Variants in SPAG16 observed in about 807,000 individuals in gnomAD.
SPAG16 encodes sperm associated antigen 16.
Under a neutral mutation model 80.4 loss-of-function variants are expected in SPAG16, and 86 were observed. The observed-to-expected ratio is 1.07, with a 90% CI of 0.90 to 1.28. The LOEUF is 1.28. Among genes scored for constraint, SPAG16 ranks in the 50% most tolerant of loss-of-function variants. SPAG16 has a pLI of 0.00. For missense variants in SPAG16, 870 were observed against 765.3 expected, an observed-to-expected ratio of 1.14 and a Z score of -1.61; for synonymous variants, 294 against 265.9, an observed-to-expected ratio of 1.11 and a Z score of -1.03.
intron 4 of SPAG16, among the ~76,000 whole-genome samples, chr2:213,312,970 A>G (rs895866660): frequency 4.6e-5 from 7 of 151,814 alleles, no homozygotes; most frequent in African/African-American, 1.7e-4. Context: ...GGTGTTGTGT[A>G]TACATTAATG....
At chr2:214,378,261 A>G (rs1320915022) in intron 15 of SPAG16, among the ~76,000 whole-genome samples, 3 of 152,220 alleles carry the variant, frequency 2.0e-5, no homozygotes, top group African/African-American at 4.8e-5. Flanking sequence ...GGAAACTAAT[A>G]TATCAGGCAA....
At position 214,035,935 on chromosome 2, in the gene SPAG16, C is replaced by T. The variant is rs193047808; in HGVS notation, c.1527+21858C>T. The stretch of plus-strand genomic sequence containing the variant: ...CCTGGCATGCCTTCCCCACTGCAGC[C>T]GGTGTCATGCAGTGGCCGCTGTAGA... On this transcript the variant is annotated intron_variant, in intron 13 of 15. Transcript: ENST00000331683. Among the ~76,000 whole-genome samples the T allele has an allele frequency of 9.9e-4, 151 of 152,298 alleles. 2 individuals are homozygous for T. The highest frequency in any genetic ancestry group is 2.2e-3 in the African/African-American group (93 of 41,556).
chr2:214,354,236 C>A (rs1017846275), intron 15 of SPAG16, among the ~76,000 whole-genome samples: 5 of 152,092 alleles, frequency 3.3e-5, no homozygotes, highest in African/African-American at 9.7e-5. Context: ...GTTTTCCCAG[C>A]ACCATTTATT....
chr2:213,994,583 T>G (rs1331461122), intron 12 of SPAG16, among the ~76,000 whole-genome samples: 1 of 151,964 alleles, frequency 6.6e-6, no homozygotes, highest in African/African-American at 2.4e-5. Flanking sequence ...CATCCTTTTT[T>G]TTTTTTTTTT....
intron 9 of SPAG16, among the ~76,000 whole-genome samples, chr2:213,483,262 A>G (rs2073835733): frequency 6.6e-6 from 1 of 152,190 alleles, no homozygotes; most frequent in South Asian, 2.1e-4. Flanking sequence ...AGAAAACTTT[A>G]TATGTAGATC....
At chr2:214,108,799 G>A (rs1471596594) in intron 14 of SPAG16, among the ~76,000 whole-genome samples, 1 of 152,048 alleles carries the variant, frequency 6.6e-6, no homozygotes, top group African/African-American at 2.4e-5. Context: ...AAAAACTGAT[G>A]ACAAAACAAA....
At chr2:213,382,829 G>A (rs893334438) in intron 9 of SPAG16, among the ~76,000 whole-genome samples, 2 of 152,094 alleles carry the variant, frequency 1.3e-5, no homozygotes, top group Non-Finnish European at 2.9e-5. Flanking sequence ...GATGGTCAAG[G>A]TTACTTTAGT....
At chr2:213,903,189 C>T (rs746818366) in intron 11 of SPAG16, among the ~76,000 whole-genome samples, 1 of 152,168 alleles carries the variant, frequency 6.6e-6, no homozygotes, top group Non-Finnish European at 1.5e-5. Context: ...TGGCCCTCCT[C>T]TCACAACTCC....
chr2:214,368,239 C>T (rs1699606632), intron 15 of SPAG16, among the ~76,000 whole-genome samples: 1 of 152,040 alleles, frequency 6.6e-6, no homozygotes, highest in South Asian at 2.1e-4. Flanking sequence ...TCAGATATCC[C>T]ATGTTCTTCT....
In SPAG16 at chr2:214,091,522, ATCAGTAATGTGTT is replaced by A. The variant is rs554095880; in HGVS notation, c.1528-16672_1528-16660del. Among the ~76,000 whole-genome samples, 30 of 152,246 alleles carry A rather than the reference ATCAGTAATGTGTT, an allele frequency of 2.0e-4. No homozygotes were observed. The East Asian group carries it at 5.6e-3, about 28-fold the overall frequency. Reference sequence around the variant, plus strand: ...ATAACAATGTACTGAGAAGCATTCAATCAGTAATGTGTTTACAAAGCTGTTAGAACCACGCCTG... The same window carrying A: ...ATAACAATGTACTGAGAAGCATTCAATACAAAGCTGTTAGAACCACGCCTG... On this transcript the variant is annotated intron_variant, in intron 13 of 15. Coordinates refer to ENST00000331683, the MANE Select transcript of SPAG16 (RefSeq NM_024532.5).
At chr2:213,804,738 C>T (rs919908798) in intron 10 of SPAG16, among the ~76,000 whole-genome samples, 18 of 150,232 alleles carry the variant, frequency 1.2e-4, no homozygotes, top group South Asian at 2.1e-4. Context: ...ACTAAGATTA[C>T]GAGACAGGAA....
chr2:213,938,653 T>C (rs538485546), intron 12 of SPAG16, among the ~76,000 whole-genome samples: 97 of 152,102 alleles, frequency 6.4e-4, no homozygotes, highest in African/African-American at 2.2e-3. Context: ...AAAATAATTT[T>C]AATTTAAATA....
intron 15 of SPAG16, among the ~76,000 whole-genome samples, chr2:214,335,675 T>G (rs947108100): frequency 6.6e-6 from 1 of 151,884 alleles, no homozygotes; most frequent in African/African-American, 2.4e-5. Flanking sequence ...CCATCCCGTT[T>G]ATGGTGTCAT....
rs116741530 is a variant in SPAG16 at position 213,363,494 on chromosome 2, A to G, written c.763-582A>G. Among the ~76,000 whole-genome samples the G allele has an allele frequency of 8.3e-3, 1,260 of 152,250 alleles. 24 individuals are homozygous for G. The highest frequency in any genetic ancestry group is 0.029 in the African/African-American group (1,215 of 41,566). On this transcript the variant is annotated intron_variant, in intron 7 of 15. Transcript: ENST00000331683. Reference sequence around the variant, plus strand: ...TTTTGTGTTGGTATAATCATATACAATGCAAGATGAAATAGCTTTTCAAGG... The same window carrying G: ...TTTTGTGTTGGTATAATCATATACAGTGCAAGATGAAATAGCTTTTCAAGG...
In SPAG16 at chr2:214,318,836, G is replaced by A. The variant is rs1012482160; in HGVS notation, c.1721-91304G>A. ...GGAGTAGACTAACTTGGCTCTAGCC[G>A]ACAGCTCCTGACAGAGGTGTTGCCA... On this transcript the variant is annotated intron_variant, in intron 15 of 15. Transcript: ENST00000331683. 9.2e-5 allele frequency among the ~76,000 whole-genome samples: 14 copies of A among 152,114 alleles called. 1 individual carries two copies. The highest frequency in any genetic ancestry group is 1.8e-4 in the Non-Finnish European group (12 of 68,038).
intron 10 of SPAG16, among the ~76,000 whole-genome samples, chr2:213,815,371 A>G (rs1374455270): frequency 6.6e-6 from 1 of 152,214 alleles, no homozygotes; most frequent in Non-Finnish European, 1.5e-5. Flanking sequence ...AATGATGGAA[A>G]TGTCCTATAC....
intron 10 of SPAG16, among the ~76,000 whole-genome samples, chr2:213,856,322 C>T (rs530155056): frequency 4.6e-5 from 7 of 152,186 alleles, no homozygotes; most frequent in Non-Finnish European, 1.5e-5. Flanking sequence ...AGGATACAGC[C>T]CCCTCCCAGC....
chr2:213,832,808 C>T (rs184592594), intron 10 of SPAG16, among the ~76,000 whole-genome samples: 2 of 152,010 alleles, frequency 1.3e-5, no homozygotes, highest in African/African-American at 4.8e-5. Context: ...TTCTGAAGGC[C>T]CTCACGTATG....
intron 12 of SPAG16, among the ~76,000 whole-genome samples, chr2:214,002,936 T>C (rs1268636197): frequency 6.6e-6 from 1 of 152,202 alleles, no homozygotes; most frequent in South Asian, 2.1e-4. Context: ...CCTGGTCAAG[T>C]TGACACATAA....
Sources: gnomAD v4.1 joint callset for allele counts (sites outside exome capture counted in the v4.1 genomes callset) on GRCh38, gnomAD v4.1.1 for gene constraint, MANE v1.5 for transcripts, NCBI Gene and HGNC (gene_info 2026-07-23, HGNC 2026-07-21) for gene names.